The following DYNC2H1 variants were observed in gnomAD, a reference collection of about 807,000 sequenced individuals.
DYNC2H1 encodes cytoplasmic dynein 2 heavy chain 1.
DYNC2H1 carries 410 observed loss-of-function variants against 570.0 expected under a neutral mutation model. That is an observed-to-expected ratio of 0.72 (90% confidence interval 0.66 to 0.78). DYNC2H1 has a LOEUF of 0.78. Among genes scored for constraint, DYNC2H1 ranks in the 30% least tolerant of loss-of-function variants. DYNC2H1 has a pLI of 0.00. For missense variants in DYNC2H1, 4,865 were observed against 5,046.4 expected, an observed-to-expected ratio of 0.96 and a Z score of 1.09; for synonymous variants, 1,688 against 1,677.6, an observed-to-expected ratio of 1.01 and a Z score of -0.15.
In DYNC2H1 at chr11:103,185,114, C is replaced by A; in HGVS notation, c.6633+63C>A. 1 of 1,447,540 alleles carries A rather than the reference C, an allele frequency of 6.9e-7. No homozygotes were observed. The highest frequency in any genetic ancestry group is 9.4e-7 in the Non-Finnish European group (1 of 1,064,062). 89.7% of individuals were successfully genotyped at this position (1,447,540 alleles called of 1,614,324 possible). On this transcript the variant is annotated intron_variant, in intron 41 of 88. Transcript: ENST00000375735. This position sits in a 1 kb window ranked among gnomAD's most constrained non-coding sequence, Gnocchi z 4.5. Reference sequence around the variant, plus strand: ...TAACTTTTCATTAACTCTTAACTGCCAAAACACAATGATTTGTAACTGTAA... The same window carrying A: ...TAACTTTTCATTAACTCTTAACTGCAAAAACACAATGATTTGTAACTGTAA...
rs1180515136 is a variant in DYNC2H1 at position 103,122,976 on chromosome 11, T to C, written c.1637T>C (p.Leu546Ser). 6.5e-7 allele frequency: 1 copy of C among 1,549,914 alleles called. No individual in the cohort carries two copies. The highest frequency in any genetic ancestry group is 8.8e-7 in the Non-Finnish European group (1 of 1,141,442). Residue 546 changes from leucine (L) to serine (S), a missense_variant, in exon 11 of 89, where the codon TTA becomes TCA. Transcript: ENST00000375735. The stretch of plus-strand genomic sequence containing the variant: ...TGGTCCAGGGATATTCAATCAGGTT[T>C]ATCTGATTCCAGATCTGGTTTGTGG... ...DDWSRDIQSGLSDSRSGLCIE... is the reference protein window; with the variant it reads ...DDWSRDIQSGSSDSRSGLCIE...
intron 84 of DYNC2H1, among the ~76,000 whole-genome samples, chr11:103,416,554 A>G (rs1450565368): frequency 6.6e-6 from 1 of 152,196 alleles, no homozygotes; most frequent in Non-Finnish European, 1.5e-5. Context: ...AAGACGAGCA[A>G]TGGGGAAAGG....
In DYNC2H1 at chr11:103,166,038, A is replaced by G. The variant is rs1315731850; in HGVS notation, c.4752A>G (p.Pro1584=). 3.9e-6 allele frequency: 6 copies of G among 1,525,338 alleles called. No individual in the cohort carries two copies. The highest frequency in any genetic ancestry group is 2.1e-5 in the Admixed American group (1 of 47,908). 94.5% of individuals were successfully genotyped at this position (1,525,338 alleles called of 1,614,324 possible). The change falls in exon 31 of 89, where the codon CCA becomes CCG. Residue 1584 remains proline (P), a synonymous_variant. Coordinates refer to ENST00000375735, the MANE Select transcript of DYNC2H1 (RefSeq NM_001377.3). ...ACATTGATACAAGTTCTGAGGATCC[A>G]GGGAATACTGGTATGGAAAAGACAT... is the stretch of plus-strand genomic sequence containing the variant. The part of the protein sequence containing the change: ...YTNIDTSSED[P]GNTESGILEL...
At chr11:103,124,153 G>A (rs762802866) in intron 11 of DYNC2H1, among the ~76,000 whole-genome samples, 19 of 151,976 alleles carry the variant, frequency 1.3e-4, no homozygotes, top group South Asian at 1.0e-3. Context: ...AGGGTGATTT[G>A]AAATAATGAG....
intron 87 of DYNC2H1, among the ~76,000 whole-genome samples, chr11:103,459,982 A>C (rs986101616): frequency 6.6e-6 from 1 of 151,508 alleles, no homozygotes; most frequent in African/African-American, 2.4e-5. Context: ...AAAAAAAAAA[A>C]AGCTGAAGGA....
intron 70 of DYNC2H1, among the ~76,000 whole-genome samples, chr11:103,267,238 C>T (rs1049126317): frequency 2.0e-5 from 3 of 151,840 alleles, no homozygotes; most frequent in Non-Finnish European, 1.5e-5. Flanking sequence ...CAGCTTTCTC[C>T]TCCTTCAACC....
At chr11:103,220,897 G>A (rs1863561085) in intron 57 of DYNC2H1, 114 bp downstream of exon 57, 3 of 1,004,552 alleles carry the variant, frequency 3.0e-6, no homozygotes, top group Non-Finnish European at 4.2e-6. Flanking sequence ...AAATACATGG[G>A]TGTACATTTT....
intron 79 of DYNC2H1, among the ~76,000 whole-genome samples, chr11:103,312,760 T>C (rs182985892): frequency 6.6e-6 from 1 of 151,972 alleles, no homozygotes; most frequent in Non-Finnish European, 1.5e-5. Flanking sequence ...CCTCAATGAG[T>C]GTTAGGTATC....
In DYNC2H1 at chr11:103,163,287, G is replaced by A; in HGVS notation, c.4611+140G>A. The A allele has an allele frequency of 9.3e-7, 1 of 1,078,474 alleles. No homozygotes were observed. Among genetic ancestry groups the A allele is most frequent in the Non-Finnish European group, 1.3e-6 (1 of 795,440 alleles). The allele number at this position is 1,078,474 out of a possible 1,614,324, so 66.8% of individuals were successfully genotyped here. A position where few individuals can be genotyped will look rare whatever the true frequency, so the allele number is the denominator to read the frequency against. On this transcript the variant is annotated intron_variant, in intron 30 of 88. Transcript: ENST00000375735. The surrounding 1 kb of genome is among the most constrained non-coding windows in gnomAD (Gnocchi z 4.6). ...AACGGACAAATTGCTTAACTTCTGA[G>A]TCTCAGTTCCTTCAGCTGTAAAATG... is the stretch of plus-strand genomic sequence containing the variant.
intron 6 of DYNC2H1, among the ~76,000 whole-genome samples, chr11:103,119,090 G>A (rs1485554054): frequency 6.6e-6 from 1 of 152,126 alleles, no homozygotes; most frequent in African/African-American, 2.4e-5. Flanking sequence ...CGGCAGTATA[G>A]ATAATTGCTT....
chr11:103,245,839 C>T lies in DYNC2H1; in HGVS notation c.10042+465C>T, dbSNP rs1381049524. 6.6e-6 allele frequency among the ~76,000 whole-genome samples: 1 copy of T among 152,088 alleles called. No homozygotes were observed. Among genetic ancestry groups the T allele is most frequent in the Non-Finnish European group, 1.5e-5 (1 of 67,996 alleles). On this transcript the variant is annotated intron_variant, in intron 65 of 88. Coordinates refer to ENST00000375735, the MANE Select transcript of DYNC2H1 (RefSeq NM_001377.3). The surrounding 1 kb of genome is among the most constrained non-coding windows in gnomAD (Gnocchi z 4.5). The stretch of plus-strand genomic sequence containing the variant: ...ATGTTAATTCTTTTCTGCATAGGAA[C>T]CCAGCCCAGTCTTGGATGATTAGAA...
At position 103,468,586 on chromosome 11, in the gene DYNC2H1, C is replaced by A. The variant is rs1420043897; in HGVS notation, c.12649-3C>A. ...TTTCATGACATATTTGTTTCCATGG[C>A]AGATCAGTGGCTTGTTACTAGAAGG... On this transcript the variant is annotated splice_polypyrimidine_tract_variant and splice_region_variant and intron_variant, in intron 87 of 88. Transcript: ENST00000375735. The A allele has an allele frequency of 6.2e-7, 1 of 1,607,810 alleles. No homozygotes were observed. Among genetic ancestry groups the A allele is most frequent in the Non-Finnish European group, 8.5e-7 (1 of 1,174,966 alleles).
At chr11:103,417,270 G>A (rs1324323308) in intron 84 of DYNC2H1, among the ~76,000 whole-genome samples, 2 of 150,760 alleles carry the variant, frequency 1.3e-5, no homozygotes, top group African/African-American at 5.0e-5. Flanking sequence ...AGTTGAGACG[G>A]GGTTTCACCA....
rs1860964189 is a variant in DYNC2H1 at position 103,158,979 on chromosome 11, T to C, written c.4330T>C (p.Ser1444Pro). The change falls in exon 28 of 89, where the codon TCT becomes CCT. Residue 1444 changes from serine (S) to proline (P), a missense_variant. Ser to Pro is a moderately conservative substitution (Grantham distance 74). Transcript: ENST00000375735. ...TGACTTATTAGAAATATTGGGCCAG[T>C]CTACCAACCCATCAGTGATTCAGTC... is the stretch of plus-strand genomic sequence containing the variant. ...DDDLLEILGQSTNPSVIQSHL... is the reference protein window; with the variant it reads ...DDDLLEILGQPTNPSVIQSHL... 2 of 1,613,672 alleles carry C rather than the reference T, an allele frequency of 1.2e-6. No individual in the cohort carries two copies. The highest frequency in any genetic ancestry group is 1.7e-6 in the Non-Finnish European group (2 of 1,179,770).
At chr11:103,322,647 A>G (rs1938273931) in intron 81 of DYNC2H1, among the ~76,000 whole-genome samples, 1 of 152,220 alleles carries the variant, frequency 6.6e-6, no homozygotes, top group Non-Finnish European at 1.5e-5. Flanking sequence ...ATATCACTGT[A>G]TAGTTCTAGA....
At chr11:103,459,753 C>A (rs1433988869) in intron 87 of DYNC2H1, among the ~76,000 whole-genome samples, 3 of 151,006 alleles carry the variant, frequency 2.0e-5, no homozygotes, top group African/African-American at 7.3e-5. Flanking sequence ...GAGATCGAGA[C>A]CATCCTGGCT....
chr11:103,311,657 TA>T (rs1170903926), intron 78 of DYNC2H1, among the ~76,000 whole-genome samples: 1 of 148,786 alleles, frequency 6.7e-6, no homozygotes, highest in Non-Finnish European at 1.5e-5. Context: ...TATAGATTTT[TA>T]AATTTGAATA....
At position 103,185,882 on chromosome 11, in the gene DYNC2H1, T is replaced by C. The variant is rs2135026966; in HGVS notation, c.6634-360T>C. 6.6e-6 allele frequency among the ~76,000 whole-genome samples: 1 copy of C among 152,074 alleles called. No homozygotes were observed. Among genetic ancestry groups the C allele is most frequent in the South Asian group, 2.1e-4 (1 of 4,818 alleles). ...AGGTGGAGAGCAGTGGTAGTGACAC[T>C]GTGATGGACAGTACCAGGATATGGC... On this transcript the variant is annotated intron_variant, in intron 41 of 88. Coordinates refer to ENST00000375735, the MANE Select transcript of DYNC2H1 (RefSeq NM_001377.3). This position sits in a 1 kb window ranked among gnomAD's most constrained non-coding sequence, Gnocchi z 4.5.
chr11:103,423,792 G>A (rs913248900), intron 84 of DYNC2H1, among the ~76,000 whole-genome samples: 5 of 151,994 alleles, frequency 3.3e-5, no homozygotes, highest in Non-Finnish European at 7.4e-5. Flanking sequence ...ATTAAGACTT[G>A]TGGATGGGAA....
Sources: gnomAD v4.1 joint callset for allele counts (sites outside exome capture counted in the v4.1 genomes callset) on GRCh38, gnomAD v4.1.1 for gene constraint, Gnocchi (gnomAD v3.1) non-coding constraint, MANE v1.5 for transcripts, NCBI Gene and HGNC (gene_info 2026-07-23, HGNC 2026-07-21) for gene names.